The following NR2F1-AS1 variants were observed in gnomAD, a reference collection of about 807,000 sequenced individuals.
NR2F1-AS1 encodes the protein NR2F1 antisense RNA 1.
chr5:93,543,485 T>C (rs1028515738), intron 4 of NR2F1-AS1: 1 of 152,056 alleles, frequency 6.6e-6, no homozygotes, highest in African/African-American at 2.4e-5. Flanking sequence ...ATGTATTGCA[T>C]TTGCAGCAGA....
intron 4 of NR2F1-AS1, among the ~76,000 whole-genome samples, chr5:93,484,394 C>A (rs1305614457): frequency 3.3e-5 from 5 of 152,126 alleles, no homozygotes; most frequent in African/African-American, 1.2e-4. Flanking sequence ...TACAGACAAG[C>A]AAATGCTGAG....
intron 4 of NR2F1-AS1, among the ~76,000 whole-genome samples, chr5:93,426,088 C>A (rs569801806): frequency 6.6e-6 from 1 of 151,820 alleles, no homozygotes; most frequent in African/African-American, 2.4e-5. Flanking sequence ...CACTCTGTCA[C>A]CCAGGCTGGA....
chr5:93,490,996 G>A (rs1351129189), intron 4 of NR2F1-AS1, among the ~76,000 whole-genome samples: 2 of 148,952 alleles, frequency 1.3e-5, no homozygotes, highest in Non-Finnish European at 3.0e-5. Context: ...GGTGGTTATA[G>A]TCATGGTGGT....
At chr5:93,414,499 AG>A (rs1199485486) in intron 4 of NR2F1-AS1, among the ~76,000 whole-genome samples, 1 of 152,186 alleles carries the variant, frequency 6.6e-6, no homozygotes, top group African/African-American at 2.4e-5. Context: ...GTAGAAGAGA[AG>A]TCTGTGCCTT....
chr5:93,481,873 C>T, intron 4 of NR2F1-AS1, among the ~76,000 whole-genome samples: 1 of 151,726 alleles, frequency 6.6e-6, no homozygotes, highest in Non-Finnish European at 1.5e-5. Flanking sequence ...CAAATGAAAG[C>T]ACAACATACC....
chr5:93,549,062 C>T (rs977958519), intron 4 of NR2F1-AS1, among the ~76,000 whole-genome samples: 2 of 152,022 alleles, frequency 1.3e-5, no homozygotes, highest in African/African-American at 4.8e-5. Context: ...ATGAATAAGA[C>T]TTTAATCCCA....
At position 93,430,662 on chromosome 5, in the gene NR2F1-AS1, G is replaced by A. The variant is rs542780355; in HGVS notation, n.639-35120C>T. Among the ~76,000 whole-genome samples, 4 of 152,218 alleles carry A rather than the reference G, an allele frequency of 2.6e-5. No homozygotes were observed. In the South Asian group the frequency reaches 8.3e-4, roughly 32 times the overall value. On this transcript the variant is annotated intron_variant and non_coding_transcript_variant, in intron 4 of 5. Transcript: ENST00000660523. ...TATTATGCCGAAAGAAGAATGGTGTGGCCCAGTAAACTTGTTCTCATGTTG... is the reference window on the plus strand; with the variant it reads ...TATTATGCCGAAAGAAGAATGGTGTAGCCCAGTAAACTTGTTCTCATGTTG...
At chr5:93,489,948 A>T (rs1346627631) in intron 4 of NR2F1-AS1, among the ~76,000 whole-genome samples, 2 of 152,168 alleles carry the variant, frequency 1.3e-5, no homozygotes, top group African/African-American at 4.8e-5. Context: ...CTGAAAAAGG[A>T]AAATGAAAGA....
intron 1 of NR2F1-AS1, among the ~76,000 whole-genome samples, chr5:93,564,574 T>C (rs1257332422): frequency 2.6e-5 from 4 of 152,214 alleles, no homozygotes; most frequent in Non-Finnish European, 5.9e-5. Context: ...ATTTTCACTT[T>C]AGTACTCTGG....
chr5:93,442,713 T>C (rs1489023069), intron 4 of NR2F1-AS1, among the ~76,000 whole-genome samples: 6 of 152,064 alleles, frequency 3.9e-5, no homozygotes, highest in Non-Finnish European at 7.4e-5. Context: ...AGCACAGAGT[T>C]TGAGATCTGA....
chr5:93,441,179 GA>G (rs1749560316), intron 4 of NR2F1-AS1, among the ~76,000 whole-genome samples: 1 of 152,180 alleles, frequency 6.6e-6, no homozygotes, highest in Non-Finnish European at 1.5e-5. Context: ...CAGGCCAGAA[GA>G]ACGAAGATGG....
intron 4 of NR2F1-AS1, among the ~76,000 whole-genome samples, chr5:93,537,498 C>CT (rs780843908): frequency 2.4e-4 from 36 of 151,998 alleles, no homozygotes; most frequent in Non-Finnish European, 5.2e-4. Context: ...GGCAAAAGAC[C>CT]TTAATAGACA....
At chr5:93,463,888 G>A (rs1273658953) in intron 4 of NR2F1-AS1, among the ~76,000 whole-genome samples, 1 of 152,164 alleles carries the variant, frequency 6.6e-6, no homozygotes, top group Non-Finnish European at 1.5e-5. Context: ...ACTTGCTTTT[G>A]ATTTTACAGG....
At chr5:93,520,516 AG>A (rs1251981689) in intron 4 of NR2F1-AS1, among the ~76,000 whole-genome samples, 2 of 152,174 alleles carry the variant, frequency 1.3e-5, no homozygotes, top group African/African-American at 4.8e-5. Context: ...GGAAGTATAC[AG>A]GTTTTACTGA....
chr5:93,442,067 T>C (rs1469272129), intron 4 of NR2F1-AS1, among the ~76,000 whole-genome samples: 2 of 152,306 alleles, frequency 1.3e-5, no homozygotes, highest in East Asian at 3.9e-4. Context: ...AAATGCTTGC[T>C]AGCTGGGGGT....
intron 4 of NR2F1-AS1, among the ~76,000 whole-genome samples, chr5:93,449,581 A>C (rs1237185354): frequency 6.6e-6 from 1 of 152,234 alleles, no homozygotes; most frequent in African/African-American, 2.4e-5. Context: ...ACAAAGTATT[A>C]TGATTATAGA....
intron 4 of NR2F1-AS1, among the ~76,000 whole-genome samples, chr5:93,552,673 A>C (rs909399684): frequency 1.4e-5 from 2 of 142,134 alleles, no homozygotes; most frequent in African/African-American, 5.5e-5. Flanking sequence ...AACAATTACA[A>C]AAAAAAAAAA....
chr5:93,505,063 A>G (rs1209518323), intron 4 of NR2F1-AS1, among the ~76,000 whole-genome samples: 1 of 152,204 alleles, frequency 6.6e-6, no homozygotes, highest in East Asian at 1.9e-4. Context: ...TACTTCCTAA[A>G]TACAATGGGG....
At chr5:93,424,917 T>C (rs561483753) in intron 4 of NR2F1-AS1, among the ~76,000 whole-genome samples, 1 of 152,290 alleles carries the variant, frequency 6.6e-6, no homozygotes, top group Non-Finnish European at 1.5e-5. Context: ...GTTGGGAAGC[T>C]TGGTACTAGA....
Sources: allele counts gnomAD v4.1 joint callset (sites outside exome capture counted in the v4.1 genomes callset), GRCh38; gene constraint gnomAD v4.1.1; transcripts MANE v1.5; gene names NCBI Gene and HGNC (gene_info 2026-07-23, HGNC 2026-07-21).